SQOR: variants seen among roughly 807,000 people sequenced by gnomAD.
SQOR encodes sulfide quinone oxidoreductase, also known as sulfide:quinone oxidoreductase, mitochondrial.
SQOR carries 39 observed loss-of-function variants against 48.6 expected under a neutral mutation model. The ratio of observed to expected loss-of-function variants is 0.80; its 90% CI spans 0.62 to 1.05. The LOEUF (loss-of-function observed/expected upper bound fraction) is 1.05. SQOR is among the 50% of genes least tolerant of loss of function. The pLI is 0.00. For synonymous variants in SQOR, 220 were observed against 206.2 expected (o/e 1.07, Z -0.57); for missense variants, 561 against 559.9 (o/e 1.00, Z -0.02).
intron 1 of SQOR, among the ~76,000 whole-genome samples, chr15:45,656,441 C>T (rs1385407158): frequency 6.6e-6 from 1 of 151,364 alleles, no homozygotes; most frequent in Admixed American, 6.7e-5. Flanking sequence ...CTGGGTGCAC[C>T]ACCATGCCTG....
At chr15:45,672,675 A>G (rs112006042) in intron 4 of SQOR, among the ~76,000 whole-genome samples, 9 of 152,210 alleles carry the variant, frequency 5.9e-5, no homozygotes, top group Non-Finnish European at 8.8e-5. Flanking sequence ...TCTTTAACTC[A>G]GTCTGTGACA....
intron 5 of SQOR, among the ~76,000 whole-genome samples, chr15:45,674,621 G>A (rs116798081): frequency 6.2e-4 from 95 of 152,070 alleles, no homozygotes; most frequent in African/African-American, 2.3e-3. Flanking sequence ...AATATGATAC[G>A]GAAAATGCCA....
At chr15:45,666,511 G>A (rs79834087) in intron 3 of SQOR, among the ~76,000 whole-genome samples, 28,494 of 152,074 alleles carry the variant, frequency 0.19, 2,980 homozygotes, top group East Asian at 0.42. Context: ...TTATGAAGTT[G>A]TTGTGAGTGT....
chr15:45,676,683 A>C (rs892092244), intron 6 of SQOR, among the ~76,000 whole-genome samples: 18 of 152,158 alleles, frequency 1.2e-4, no homozygotes, highest in African/African-American at 4.3e-4. Context: ...TGATTGTCTC[A>C]ATTGGTGGCA....
chr15:45,666,513 TGTGA>T lies in SQOR; in HGVS notation c.406-3411_406-3408del, dbSNP rs947161870. 5.3e-5 allele frequency among the ~76,000 whole-genome samples: 8 copies of T among 152,310 alleles called. No individual in the cohort carries two copies. In the East Asian group the frequency reaches 7.7e-4, roughly 15 times the overall value. ...GTACCTAGATACCTTATGAAGTTGT[TGTGA>T]GTGTTAAATGAATGAAACCATATGA... is the stretch of plus-strand genomic sequence containing the variant. On this transcript the variant is annotated intron_variant, in intron 3 of 9. Coordinates refer to ENST00000260324, the MANE Select transcript of SQOR (RefSeq NM_021199.4).
Position 45,682,606 on chromosome 15 carries a change from G to T in SQOR, c.993G>T (p.Val331=), listed in dbSNP as rs1217709215. ...ETLQHRRYPN[V]FGIGDCTNLP... is the part of the protein sequence containing the mutation. ...TGCAACACAGGAGGTACCCAAATGTGTTTGGGATTGGGGACTGCACCAACC... is the reference window on the plus strand; with the variant it reads ...TGCAACACAGGAGGTACCCAAATGTTTTTGGGATTGGGGACTGCACCAACC... The change falls in exon 7 of 10, where the codon GTG becomes GTT. Residue 331 remains valine, a synonymous_variant. Transcript: ENST00000260324. 1.9e-6 allele frequency: 3 copies of T among 1,614,220 alleles called. No individual in the cohort carries two copies. In the South Asian group the frequency reaches 3.3e-5, roughly 18 times the overall value.
At chr15:45,662,321 G>C (rs1889735546) in intron 3 of SQOR, among the ~76,000 whole-genome samples, 196 bp downstream of exon 3, 1 of 152,190 alleles carries the variant, frequency 6.6e-6, no homozygotes, top group South Asian at 2.1e-4. Flanking sequence ...GAGTGATATT[G>C]AGTTAATAAA....
At chr15:45,656,449 C>G (rs923757645) in intron 1 of SQOR, among the ~76,000 whole-genome samples, 1 of 145,796 alleles carries the variant, frequency 6.9e-6, no homozygotes, top group Non-Finnish European at 1.5e-5. Context: ...ACCACCATGC[C>G]TGGCTAATTT....
chr15:45,651,914 ACT>A (rs1367683686), intron 1 of SQOR, among the ~76,000 whole-genome samples: 1 of 150,578 alleles, frequency 6.6e-6, no homozygotes, highest in Non-Finnish European at 1.5e-5. Flanking sequence ...TTAAAAACAG[ACT>A]CTCACTCTGT....
chr15:45,670,978 G>A (rs1889930691), intron 4 of SQOR, among the ~76,000 whole-genome samples: 1 of 152,168 alleles, frequency 6.6e-6, no homozygotes, highest in Non-Finnish European at 1.5e-5. Context: ...ACCTAGCAAA[G>A]GCAATGCGTC....
chr15:45,642,071 C>G (rs1243979431), intron 1 of SQOR, among the ~76,000 whole-genome samples: 2 of 152,208 alleles, frequency 1.3e-5, no homozygotes, highest in Non-Finnish European at 2.9e-5. Flanking sequence ...CAGTGCCTAG[C>G]ACAATCCCTG....
intron 2 of SQOR, 32 bp downstream of exon 2, chr15:45,659,189 T>C: frequency 6.9e-7 from 1 of 1,459,790 alleles, no homozygotes; most frequent in Non-Finnish European, 9.2e-7. Context: ...CCTGGGTGTG[T>C]GTGTACGTGT....
At chr15:45,679,446 A>G (rs1168145708) in intron 6 of SQOR, among the ~76,000 whole-genome samples, 16 of 152,180 alleles carry the variant, frequency 1.1e-4, no homozygotes, top group Non-Finnish European at 2.1e-4. Context: ...GCTCAAGTCT[A>G]TAATCCCAGC....
At chr15:45,648,643 CAA>C (rs1386711706) in intron 1 of SQOR, among the ~76,000 whole-genome samples, 1 of 152,178 alleles carries the variant, frequency 6.6e-6, no homozygotes, top group Non-Finnish European at 1.5e-5. Flanking sequence ...AGGAGTTTTC[CAA>C]CAGTCCCTCC....
Position 45,638,450 on chromosome 15 carries a change from C to T in SQOR, c.-18+3342C>T, listed in dbSNP as rs2470113. Among the ~76,000 whole-genome samples the T allele has an allele frequency of 7.1e-3, 1,086 of 152,172 alleles. 14 individuals are homozygous for T. The highest frequency in any genetic ancestry group is 0.025 in the African/African-American group (1,033 of 41,510). On this transcript the variant is annotated intron_variant, in intron 1 of 9. Coordinates refer to ENST00000260324, the MANE Select transcript of SQOR (RefSeq NM_021199.4). ...CAATAAAAGAATAATTAGCCAGGCA[C>T]GGTGGCTCACGCCTGTAATCCCAGC...
intron 4 of SQOR, among the ~76,000 whole-genome samples, chr15:45,673,227 T>C (rs1889974062): frequency 6.6e-6 from 1 of 152,222 alleles, no homozygotes; most frequent in Non-Finnish European, 1.5e-5. Context: ...GATTTAAGTT[T>C]GCTATTCTTG....
At chr15:45,650,407 G>A (rs1482948383) in intron 1 of SQOR, among the ~76,000 whole-genome samples, 1 of 152,182 alleles carries the variant, frequency 6.6e-6, no homozygotes, top group African/African-American at 2.4e-5. Flanking sequence ...TCCTTCTGGT[G>A]GGTTCGTGGT....
chr15:45,681,366 C>T (rs1890125385), intron 6 of SQOR, among the ~76,000 whole-genome samples: 1 of 152,194 alleles, frequency 6.6e-6, no homozygotes, highest in Admixed American at 6.5e-5. Flanking sequence ...CCACCCTCCA[C>T]CCAAGGTTAT....
chr15:45,664,676 C>T (rs1889783030), intron 3 of SQOR, among the ~76,000 whole-genome samples: 1 of 152,130 alleles, frequency 6.6e-6, no homozygotes, highest in South Asian at 2.1e-4. Flanking sequence ...GGTGCTGATT[C>T]ATGCTGGGCT....
Sources: allele counts gnomAD v4.1 joint callset (sites outside exome capture counted in the v4.1 genomes callset), GRCh38; gene constraint gnomAD v4.1.1; transcripts MANE v1.5; gene names NCBI Gene and HGNC (gene_info 2026-07-23, HGNC 2026-07-21).